Variants in ARHGAP23 observed in about 807,000 individuals in gnomAD.
The protein encoded by ARHGAP23 is rho GTPase-activating protein 23.
In ARHGAP23, 34 loss-of-function variants were observed where a neutral mutation model predicts 136.3. The observed-to-expected ratio is 0.25, with a 90% CI of 0.19 to 0.33. The LOEUF (loss-of-function observed/expected upper bound fraction) is 0.33, where lower values mean the gene tolerates loss of function less well. Among genes scored for constraint, ARHGAP23 ranks in the 10% least tolerant of loss-of-function variants. ARHGAP23 has a pLI of 1.00. For missense variants in ARHGAP23, 1,808 were observed against 2,139.0 expected, an observed-to-expected ratio of 0.85 and a Z score of 3.05; for synonymous variants, 832 against 920.5, an observed-to-expected ratio of 0.90 and a Z score of 1.74.
chr17:38,489,484 T>A (rs959296980), intron 17 of ARHGAP23, among the ~76,000 whole-genome samples: 6 of 149,730 alleles, frequency 4.0e-5, no homozygotes, highest in African/African-American at 1.5e-4. Context: ...CTTCCCCCCT[T>A]TCTAGCCTTA....
intron 20 of ARHGAP23, 36 bp downstream of exon 20, chr17:38,491,568 T>G: frequency 6.5e-7 from 1 of 1,548,748 alleles, no homozygotes; most frequent in Non-Finnish European, 8.7e-7. Flanking sequence ...CGGCAGCCCC[T>G]GGGGCCCAGG....
At chr17:38,483,836 G>A (rs1567816001) in intron 16 of ARHGAP23, among the ~76,000 whole-genome samples, 4 of 152,178 alleles carry the variant, frequency 2.6e-5, no homozygotes, top group African/African-American at 7.2e-5. Context: ...TGGACGGGAA[G>A]CCTTTCGGGG....
intron 20 of ARHGAP23, among the ~76,000 whole-genome samples, chr17:38,496,251 T>G (rs548806875): frequency 7.2e-5 from 11 of 152,180 alleles, no homozygotes; most frequent in African/African-American, 2.6e-4. Context: ...TTCCACCACA[T>G]CTAAAAGCCA....
chr17:38,476,718 G>A (rs1400421180), intron 11 of ARHGAP23, among the ~76,000 whole-genome samples: 1 of 152,206 alleles, frequency 6.6e-6, no homozygotes, highest in African/African-American at 2.4e-5. Flanking sequence ...CCTTTAGGGC[G>A]GGGTCTCTTA....
At chr17:38,422,505 G>A (rs560957465) in intron 1 of ARHGAP23, among the ~76,000 whole-genome samples, 11 of 152,288 alleles carry the variant, frequency 7.2e-5, no homozygotes, top group Admixed American at 5.9e-4. Context: ...CCCAAACGTA[G>A]TTTCCCTAAA....
chr17:38,492,467 G>A (rs2040299163), intron 20 of ARHGAP23, among the ~76,000 whole-genome samples: 3 of 152,234 alleles, frequency 2.0e-5, no homozygotes, highest in East Asian at 3.9e-4. Context: ...GCTCAGAGAG[G>A]CAAAGCAACT....
chr17:38,497,438 G>A (rs1444532652), intron 20 of ARHGAP23, among the ~76,000 whole-genome samples: 4 of 152,222 alleles, frequency 2.6e-5, no homozygotes, highest in African/African-American at 9.6e-5. Context: ...GCTGTGGGGA[G>A]TATACCACAG....
In ARHGAP23 at chr17:38,472,016, G is replaced by A. The variant is rs1361541285; in HGVS notation, c.2118+10G>A. ...CACCAAGAAGGGGAAGGTAAGATGG[G>A]TGGAGGAATGAGGTGGAAGCTGGCT... On this transcript the variant is annotated intron_variant, in intron 11 of 23. Transcript: ENST00000622683. 25 of 1,543,374 alleles carry A rather than the reference G, an allele frequency of 1.6e-5. No individual in the cohort carries two copies. The highest frequency in any genetic ancestry group is 2.4e-5 in the East Asian group (1 of 40,908).
At position 38,466,368 on chromosome 17, in the gene ARHGAP23, G is replaced by T; in HGVS notation, c.685G>T (p.Gly229Trp). 1 of 1,538,204 alleles carries T rather than the reference G, an allele frequency of 6.5e-7. No homozygotes were observed. ...GAGTCCTGCTGCCTGGAGTGACCCG[G>T]GGCTCCGTGTGCCACCTGCTGCCCG... is the stretch of plus-strand genomic sequence containing the variant. ...PRSPAAWSDP[G>W]LRVPPAARAH... Residue 229 changes from glycine (G) to tryptophan (W), a missense_variant, in exon 7 of 24, where the codon GGG (glycine) becomes TGG (tryptophan). Transcript: ENST00000622683.
chr17:38,458,417 G>T lies in ARHGAP23; in HGVS notation c.225+154G>T, dbSNP rs1356043630. Among the ~76,000 whole-genome samples, 4 of 152,160 alleles carry T rather than the reference G, an allele frequency of 2.6e-5. No individual in the cohort carries two copies. In the East Asian group the frequency reaches 5.8e-4, roughly 22 times the overall value. On this transcript the variant is annotated intron_variant, in intron 2 of 23. Coordinates refer to ENST00000622683, the MANE Select transcript of ARHGAP23 (RefSeq NM_001199417.2). ...CTCCCTTCTGCTGTGGCCTGGGGAGGAGGACTGCAGGGAGGCAGTGCCAGC... is the reference window on the plus strand; with the variant it reads ...CTCCCTTCTGCTGTGGCCTGGGGAGTAGGACTGCAGGGAGGCAGTGCCAGC...
In ARHGAP23 at chr17:38,498,403, C is replaced by A; in HGVS notation, c.3319-11C>A. 6.5e-7 allele frequency: 1 copy of A among 1,543,436 alleles called. No individual in the cohort carries two copies. Among genetic ancestry groups the A allele is most frequent in the Non-Finnish European group, 8.7e-7 (1 of 1,143,156 alleles). ...GAGGGCATGCCAGCTGACCCCTCCT[C>A]CTGTTCGCAGACCCCTGTGGGCGAC... On this transcript the variant is annotated splice_polypyrimidine_tract_variant and intron_variant, in intron 21 of 23. Coordinates refer to ENST00000622683, the MANE Select transcript of ARHGAP23 (RefSeq NM_001199417.2).
rs1044810111 is a variant in ARHGAP23, at chr17:38,491,404, C to T, written c.3151-3C>T. On this transcript the variant is annotated splice_region_variant and splice_polypyrimidine_tract_variant and intron_variant, in intron 19 of 23. Transcript: ENST00000622683. ...ACAGTGACCTGCTTTCCCTGCTGCCCAGATGGAACCCCGGAACCTGGCCCT... is the reference window on the plus strand; with the variant it reads ...ACAGTGACCTGCTTTCCCTGCTGCCTAGATGGAACCCCGGAACCTGGCCCT... 21 of 1,549,632 alleles carry T rather than the reference C, an allele frequency of 1.4e-5. No homozygotes were observed. The highest frequency in any genetic ancestry group is 1.8e-5 in the Non-Finnish European group (21 of 1,146,864).
At chr17:38,453,727 C>G (rs2039246852) in intron 1 of ARHGAP23, 1 of 149,136 alleles carries the variant, frequency 6.7e-6, no homozygotes, top group Non-Finnish European at 1.5e-5. Flanking sequence ...CGGAGCCAAT[C>G]CAGCCGTCCT....
intron 20 of ARHGAP23, among the ~76,000 whole-genome samples, chr17:38,493,561 C>T (rs982991175): frequency 6.6e-6 from 1 of 152,168 alleles, no homozygotes; most frequent in African/African-American, 2.4e-5. Flanking sequence ...CCTTCTCTGC[C>T]TCCTTGGCAT....
At chr17:38,454,299 G>T (rs2039271529) in intron 1 of ARHGAP23, among the ~76,000 whole-genome samples, 1 of 152,154 alleles carries the variant, frequency 6.6e-6, no homozygotes, top group African/African-American at 2.4e-5. Context: ...TGAGAGATGG[G>T]GCTGAGGGTG....
At chr17:38,436,436 G>A (rs1000587841) in intron 1 of ARHGAP23, among the ~76,000 whole-genome samples, 3 of 152,070 alleles carry the variant, frequency 2.0e-5, no homozygotes, top group Admixed American at 6.5e-5. Context: ...TGCCCTCTCC[G>A]TAATTTCAGC....
At chr17:38,459,557 A>C (rs1172018752) in intron 2 of ARHGAP23, among the ~76,000 whole-genome samples, 1 of 152,002 alleles carries the variant, frequency 6.6e-6, no homozygotes, top group Non-Finnish European at 1.5e-5. Context: ...CTCTTTCCCC[A>C]GAATGCCCCT....
chr17:38,433,555 G>A (rs984144612), intron 1 of ARHGAP23, among the ~76,000 whole-genome samples: 4 of 152,172 alleles, frequency 2.6e-5, no homozygotes, highest in Non-Finnish European at 5.9e-5. Flanking sequence ...GCACTAGAGA[G>A]AATTCAGCAA....
chr17:38,478,768 G>A (rs1396208501), intron 12 of ARHGAP23, among the ~76,000 whole-genome samples: 1 of 152,286 alleles, frequency 6.6e-6, no homozygotes, highest in Non-Finnish European at 1.5e-5. Context: ...CAGGGGCCTA[G>A]GTAGGGATTC....
Sources: allele counts gnomAD v4.1 joint callset (sites outside exome capture counted in the v4.1 genomes callset), GRCh38; gene constraint gnomAD v4.1.1; transcripts MANE v1.5; gene names NCBI Gene and HGNC (gene_info 2026-07-23, HGNC 2026-07-21).